Variants in CNST observed in about 807,000 individuals in gnomAD.
CNST encodes the protein consortin, connexin sorting protein.
CNST carries 39 observed loss-of-function variants against 72.4 expected under a neutral mutation model. The ratio of observed to expected loss-of-function variants is 0.54; its 90% CI spans 0.42 to 0.70. The LOEUF (loss-of-function observed/expected upper bound fraction) is 0.70. Among genes scored for constraint, CNST ranks in the 30% least tolerant of loss-of-function variants. CNST has a pLI of 0.00. For synonymous variants in CNST, 332 were observed against 320.1 expected, an observed-to-expected ratio of 1.04 and a Z score of -0.40; for missense variants, 871 against 868.5, an observed-to-expected ratio of 1.00 and a Z score of -0.04.
At chr1:246,642,133 G>GTTTTTTTTTTTTTTTTTTTTTTT (rs74163469) in intron 8 of CNST, 96 bp downstream of exon 8, 2 of 180,372 alleles carry the variant, frequency 1.1e-5, no homozygotes, top group African/African-American at 9.0e-5. Context: ...AAAGGATCTG[G>GTTTTTTTTTTTTTTTTTTTTTTT]TTTTTTTTTT....
chr1:246,627,977 A>C (rs139560276), intron 3 of CNST, among the ~76,000 whole-genome samples: 2,784 of 150,282 alleles, frequency 0.019, 92 homozygotes, highest in African/African-American at 0.064. Context: ...AAAGTCCCAC[A>C]ATAGGCTGTC....
At chr1:246,640,363 A>G (rs976193608) in intron 6 of CNST, among the ~76,000 whole-genome samples, 7 of 152,192 alleles carry the variant, frequency 4.6e-5, no homozygotes, top group African/African-American at 7.2e-5. Flanking sequence ...AGCAAATAGA[A>G]TACAGTATCT....
chr1:246,601,134 G>C (rs149772211), intron 2 of CNST, among the ~76,000 whole-genome samples: 5 of 151,596 alleles, frequency 3.3e-5, no homozygotes, highest in South Asian at 4.2e-4. Flanking sequence ...AGTAGGACCT[G>C]GTCTTTTCAA....
intron 1 of CNST, among the ~76,000 whole-genome samples, chr1:246,586,408 A>G (rs368542479): frequency 7.1e-6 from 1 of 141,576 alleles, no homozygotes; most frequent in African/African-American, 2.9e-5. Context: ...TATATAACAT[A>G]TCTTTTATAT....
At chr1:246,640,920 G>T (rs1228458964) in intron 6 of CNST, among the ~76,000 whole-genome samples, 2 of 152,154 alleles carry the variant, frequency 1.3e-5, no homozygotes, top group Non-Finnish European at 2.9e-5. Flanking sequence ...ACCACTCTGA[G>T]CAAGGTACAA....
At chr1:246,608,651 T>C (rs571755219) in intron 2 of CNST, among the ~76,000 whole-genome samples, 1 of 152,290 alleles carries the variant, frequency 6.6e-6, no homozygotes, top group African/African-American at 2.4e-5. Context: ...TTTAAGCCCG[T>C]GGGTTACCTG....
At chr1:246,646,792 C>A (rs539207908) in intron 8 of CNST, among the ~76,000 whole-genome samples, 76 of 152,238 alleles carry the variant, frequency 5.0e-4, no homozygotes, top group African/African-American at 1.7e-3. Flanking sequence ...ATACACCATG[C>A]CTTAAATGTG....
Position 246,647,214 on chromosome 1 carries a change from G to C in CNST, c.1013G>C (p.Cys338Ser). 5 of 1,614,162 alleles carry C rather than the reference G, an allele frequency of 3.1e-6. No homozygotes were observed. The South Asian group carries it at 5.5e-5, about 18-fold the overall frequency. ...GTGGAGCCCCTGGGGAGCAGTCCCT[G>C]CTGTCATCAGATGGACGTGCAAACA... ...HTVEPLGSSP[C>S]CHQMDVQTDS... Residue 338 changes from cysteine (C) to serine (S), a missense_variant, in exon 9 of 11, where the codon TGC (cysteine) becomes TCC (serine). Cys to Ser is a moderately radical substitution (Grantham distance 112). Coordinates refer to ENST00000366513, the MANE Select transcript of CNST (RefSeq NM_152609.3).
intron 1 of CNST, among the ~76,000 whole-genome samples, chr1:246,579,736 C>T (rs1009474595): frequency 5.3e-5 from 8 of 152,164 alleles, no homozygotes; most frequent in African/African-American, 1.9e-4. Flanking sequence ...GCCTGGGCGA[C>T]AGAGTGAGAC....
At chr1:246,644,950 G>T (rs981241214) in intron 8 of CNST, among the ~76,000 whole-genome samples, 1 of 152,200 alleles carries the variant, frequency 6.6e-6, no homozygotes, top group Non-Finnish European at 1.5e-5. Context: ...GGCAACCAAA[G>T]GGAAGTGAAA....
chr1:246,580,942 T>C (rs1455006548), intron 1 of CNST, among the ~76,000 whole-genome samples: 20 of 152,192 alleles, frequency 1.3e-4, no homozygotes. Flanking sequence ...TTTCACCATG[T>C]TGGCCAGGCT....
At chr1:246,612,563 T>A (rs886761745) in intron 2 of CNST, among the ~76,000 whole-genome samples, 7 of 152,100 alleles carry the variant, frequency 4.6e-5, no homozygotes, top group African/African-American at 1.7e-4. Flanking sequence ...TTAAATTTTG[T>A]GTTATGTTTT....
In CNST at chr1:246,647,392, C is replaced by T; in HGVS notation, c.1191C>T (p.Asp397=). ...CTTCTGAGGATGCTTGTGAGGATGACAGTCGCTTGCAGCTGGCTCAAACAG... is the reference window on the plus strand; with the variant it reads ...CTTCTGAGGATGCTTGTGAGGATGATAGTCGCTTGCAGCTGGCTCAAACAG... ...PDSSEDACED[D]SRLQLAQTEA... is the part of the protein sequence containing the mutation. The change falls in exon 9 of 11, where the codon GAC becomes GAT. Residue 397 remains aspartate, a synonymous_variant. Transcript: ENST00000366513. 6.2e-7 allele frequency: 1 copy of T among 1,614,130 alleles called. No individual in the cohort carries two copies. Among genetic ancestry groups the T allele is most frequent in the Non-Finnish European group, 8.5e-7 (1 of 1,180,038 alleles).
Position 246,614,037 on chromosome 1 carries a change from C to T in CNST, c.380-7392C>T, listed in dbSNP as rs577302551. On this transcript the variant is annotated intron_variant, in intron 2 of 10. Transcript: ENST00000366513. Reference sequence around the variant, plus strand: ...AACCCTTCCCTATCCTCAAAAATGCCCATCAGCTTAGTTTATGCATCAGTA... The same window carrying T: ...AACCCTTCCCTATCCTCAAAAATGCTCATCAGCTTAGTTTATGCATCAGTA... Among the ~76,000 whole-genome samples, 64 of 152,060 alleles carry T rather than the reference C, an allele frequency of 4.2e-4. No individual in the cohort carries two copies. The South Asian group carries it at 0.013, about 31-fold the overall frequency.
intron 10 of CNST, among the ~76,000 whole-genome samples, chr1:246,660,648 C>T (rs1298572603): frequency 1.3e-5 from 2 of 152,116 alleles, no homozygotes; most frequent in African/African-American, 4.8e-5. Flanking sequence ...TCGCTTGAAC[C>T]CGGGAGACAG....
chr1:246,632,680 C>T (rs186358050), intron 4 of CNST, among the ~76,000 whole-genome samples: 15 of 152,294 alleles, frequency 9.8e-5, no homozygotes, highest in Non-Finnish European at 1.9e-4. Context: ...GTATCCTGAC[C>T]TCACAAGATG....
At position 246,667,935 on chromosome 1, in the gene CNST, T is replaced by C. The variant is rs923206869; in HGVS notation, c.*2030T>C. On this transcript the variant is annotated 3_prime_UTR_variant, in exon 11 of 11. Coordinates refer to ENST00000366513, the MANE Select transcript of CNST (RefSeq NM_152609.3). ...AGAGCCACTTCCTCTGAACCCAACA[T>C]CTCCTGGGGACCTTCGCAGCAAGAG... The C allele has an allele frequency of 1.3e-5, 2 of 152,282 alleles. No individual in the cohort carries two copies. The highest frequency in any genetic ancestry group is 4.1e-4 in the South Asian group (2 of 4,830). 9.4% of individuals were successfully genotyped at this position (152,282 alleles called of 1,614,324 possible). A position where few individuals can be genotyped will look rare whatever the true frequency, so the allele number is the denominator to read the frequency against.
In CNST at chr1:246,666,828, C is replaced by T. The variant is rs1304209965; in HGVS notation, c.*923C>T. ...ATGCAAACTTAAGTAAGATACAGTT[C>T]CCACTGTAGGTGTTTTAATCCTGGT... On this transcript the variant is annotated 3_prime_UTR_variant, in exon 11 of 11. Coordinates refer to ENST00000366513, the MANE Select transcript of CNST (RefSeq NM_152609.3). 12 of 152,156 alleles carry T rather than the reference C, an allele frequency of 7.9e-5. No homozygotes were observed. In the South Asian group the frequency reaches 2.5e-3, roughly 32 times the overall value. The allele number at this position is 152,156 out of a possible 1,614,324, so 9.4% of individuals were successfully genotyped here. A position where few individuals can be genotyped will look rare whatever the true frequency, so the allele number is the denominator to read the frequency against.
chr1:246,621,211 C>CTAGAAGTAT (rs1272366786), intron 2 of CNST, among the ~76,000 whole-genome samples: 7 of 152,204 alleles, frequency 4.6e-5, no homozygotes, highest in Non-Finnish European at 8.8e-5. Flanking sequence ...TCCTGCTACT[C>CTAGAAGTAT]TCCTAGCATC....
Sources: allele counts gnomAD v4.1 joint callset (sites outside exome capture counted in the v4.1 genomes callset), GRCh38; gene constraint gnomAD v4.1.1; transcripts MANE v1.5; gene names NCBI Gene and HGNC (gene_info 2026-07-23, HGNC 2026-07-21).